Variants in CHRM3 observed in about 807,000 individuals in gnomAD.
The protein encoded by CHRM3 is cholinergic receptor muscarinic 3, also known as muscarinic acetylcholine receptor M3.
Under a neutral mutation model 41.8 loss-of-function variants are expected in CHRM3, and 11 were observed. The ratio of observed to expected loss-of-function variants is 0.26; its 90% CI spans 0.17 to 0.44. CHRM3 has a LOEUF of 0.44. CHRM3 is among the 20% of genes least tolerant of loss of function. CHRM3 has a pLI of 1.00. For synonymous variants in CHRM3, 297 were observed against 301.4 expected, an observed-to-expected ratio of 0.99 and a Z score of 0.15; for missense variants, 571 against 745.4, an observed-to-expected ratio of 0.77 and a Z score of 2.72.
At chr1:239,470,498 G>A (rs1472141528) in intron 1 of CHRM3, among the ~76,000 whole-genome samples, 1 of 152,214 alleles carries the variant, frequency 6.6e-6, no homozygotes, top group East Asian at 1.9e-4. Context: ...CTGGGTTGTG[G>A]AGTGACCATC....
At chr1:239,695,794 T>A (rs1194171251) in intron 5 of CHRM3, among the ~76,000 whole-genome samples, 1 of 152,188 alleles carries the variant, frequency 6.6e-6, no homozygotes, top group Non-Finnish European at 1.5e-5. Context: ...TATTGCTGGT[T>A]TGCTATTCTA....
intron 6 of CHRM3, among the ~76,000 whole-genome samples, chr1:239,846,479 C>G (rs1237925462): frequency 1.3e-5 from 2 of 151,984 alleles, no homozygotes; most frequent in Non-Finnish European, 2.9e-5. Context: ...AATGGATAAG[C>G]CAATAAAAAA....
At chr1:239,850,376 G>A (rs920862215) in intron 6 of CHRM3, among the ~76,000 whole-genome samples, 1 of 152,160 alleles carries the variant, frequency 6.6e-6, no homozygotes, top group African/African-American at 2.4e-5. Flanking sequence ...TGCTGTCTCA[G>A]GGATAACAGA....
At chr1:239,901,133 A>G (rs1330323950) in intron 6 of CHRM3, among the ~76,000 whole-genome samples, 1 of 152,188 alleles carries the variant, frequency 6.6e-6, no homozygotes, top group African/African-American at 2.4e-5. Context: ...GGCACCAGAC[A>G]GGAGGGCATG....
chr1:239,848,635 G>C (rs151001688), intron 6 of CHRM3, among the ~76,000 whole-genome samples: 112 of 152,192 alleles, frequency 7.4e-4, no homozygotes, highest in African/African-American at 2.6e-3. Context: ...GAAGCAGCAG[G>C]TACATGCTTT....
intron 5 of CHRM3, among the ~76,000 whole-genome samples, chr1:239,686,093 T>C (rs548197327): frequency 6.6e-6 from 1 of 152,348 alleles, no homozygotes; most frequent in East Asian, 1.9e-4. Context: ...TGCTCTTTAA[T>C]AGTCTCCTTC....
At chr1:239,634,429 GAA>G (rs562788333) in intron 4 of CHRM3, among the ~76,000 whole-genome samples, 1 of 117,636 alleles carries the variant, frequency 8.5e-6, no homozygotes, top group Non-Finnish European at 1.8e-5. Flanking sequence ...AAAGAAAAGA[GAA>G]AAAAAAGAAC....
At chr1:239,864,483 G>T (rs1267247827) in intron 6 of CHRM3, among the ~76,000 whole-genome samples, 1 of 151,170 alleles carries the variant, frequency 6.6e-6, no homozygotes, top group Non-Finnish European at 1.5e-5. Context: ...CTCCAGCCTG[G>T]GCAACAAGAG....
At chr1:239,864,090 A>AAC (rs1404755726) in intron 6 of CHRM3, among the ~76,000 whole-genome samples, 1 of 152,056 alleles carries the variant, frequency 6.6e-6, no homozygotes, top group African/African-American at 2.4e-5. Context: ...AAAAAAAAAA[A>AAC]AAAACTCAGT....
intron 6 of CHRM3, among the ~76,000 whole-genome samples, chr1:239,906,408 G>A (rs895238593): frequency 6.6e-6 from 1 of 152,156 alleles, no homozygotes; most frequent in African/African-American, 2.4e-5. Context: ...CACTGATTGA[G>A]GAATGATTTG....
At chr1:239,670,996 T>C (rs774085550) in intron 4 of CHRM3, among the ~76,000 whole-genome samples, 1 of 152,192 alleles carries the variant, frequency 6.6e-6, no homozygotes, top group Non-Finnish European at 1.5e-5. Flanking sequence ...CTAAAGTAGT[T>C]GTACCACATT....
intron 1 of CHRM3, among the ~76,000 whole-genome samples, chr1:239,399,424 T>C (rs886482141): frequency 3.7e-4 from 56 of 152,126 alleles, no homozygotes; most frequent in African/African-American, 1.2e-3. Flanking sequence ...ATAGTTATCA[T>C]TGTGTTGTAC....
intron 2 of CHRM3, among the ~76,000 whole-genome samples, chr1:239,521,925 C>T (rs1018680845): frequency 1.3e-5 from 2 of 152,152 alleles, no homozygotes; most frequent in African/African-American, 4.8e-5. Context: ...AATTCTATGA[C>T]ATTTCATATA....
At chr1:239,744,674 C>T (rs1433605481) in intron 5 of CHRM3, among the ~76,000 whole-genome samples, 1 of 152,076 alleles carries the variant, frequency 6.6e-6, no homozygotes, top group Non-Finnish European at 1.5e-5. Context: ...TAGAGATTTT[C>T]ATTTTACGTG....
At chr1:239,422,812 A>C (rs1307487377) in intron 1 of CHRM3, among the ~76,000 whole-genome samples, 1 of 145,872 alleles carries the variant, frequency 6.9e-6, no homozygotes, top group Admixed American at 6.6e-5. Flanking sequence ...AACAAAAACA[A>C]AAACAAAAAA....
chr1:239,778,582 C>G (rs1668280792), intron 5 of CHRM3, among the ~76,000 whole-genome samples: 1 of 152,160 alleles, frequency 6.6e-6, no homozygotes, highest in South Asian at 2.1e-4. Context: ...GGATCATTCC[C>G]ATTGCCTTTC....
At chr1:239,749,396 G>A (rs917001707) in intron 5 of CHRM3, among the ~76,000 whole-genome samples, 2 of 152,160 alleles carry the variant, frequency 1.3e-5, no homozygotes, top group East Asian at 1.9e-4. Context: ...GGTTGGGCAC[G>A]AGTGGCTCAT....
intron 3 of CHRM3, among the ~76,000 whole-genome samples, chr1:239,604,362 T>G (rs1665984541): frequency 6.6e-6 from 1 of 152,158 alleles, no homozygotes; most frequent in South Asian, 2.1e-4. Flanking sequence ...TGCCGTAATA[T>G]TCAATCATTT....
chr1:239,509,268 TACAGCAAGA>T (rs1417976838), intron 2 of CHRM3, among the ~76,000 whole-genome samples: 2 of 152,234 alleles, frequency 1.3e-5, no homozygotes, highest in African/African-American at 4.8e-5. Context: ...TGGGATATGT[TACAGCAAGA>T]ACAGGTGTTT....
Sources: allele counts gnomAD v4.1 joint callset (sites outside exome capture counted in the v4.1 genomes callset), GRCh38; gene constraint gnomAD v4.1.1; transcripts MANE v1.5; gene names NCBI Gene and HGNC (gene_info 2026-07-23, HGNC 2026-07-21).